Variants in CCDC60 observed in about 807,000 individuals in gnomAD.
The protein encoded by CCDC60 is coiled-coil domain containing 60.
A neutral mutation model predicts 63.5 loss-of-function variants in CCDC60; 54 were observed. That is an observed-to-expected ratio of 0.85 (90% CI 0.68 to 1.07). The LOEUF (loss-of-function observed/expected upper bound fraction) is 1.07, where lower values mean the gene tolerates loss of function less well. Ranked by LOEUF, CCDC60 falls within the 50% of genes least tolerant of loss-of-function variation. The probability of loss-of-function intolerance (pLI) is 0.00; values close to 1 mark genes in which losing one functional copy is unlikely to be tolerated. For synonymous variants in CCDC60, 206 were observed against 238.8 expected, an observed-to-expected ratio of 0.86 and a Z score of 1.27; for missense variants, 651 against 684.3, an observed-to-expected ratio of 0.95 and a Z score of 0.54.
chr12:119,352,819 G>A (rs1955670389), intron 1 of CCDC60, among the ~76,000 whole-genome samples: 1 of 152,094 alleles, frequency 6.6e-6, no homozygotes, highest in Non-Finnish European at 1.5e-5. Context: ...AGGTACCTGT[G>A]ATCCAAGCTA....
chr12:119,372,434 G>A (rs1267581364), intron 1 of CCDC60, among the ~76,000 whole-genome samples: 2 of 152,198 alleles, frequency 1.3e-5, no homozygotes, highest in Non-Finnish European at 2.9e-5. Flanking sequence ...TAGAGCTGAT[G>A]TATAGAACCC....
intron 2 of CCDC60, among the ~76,000 whole-genome samples, chr12:119,453,353 G>A (rs1950668781): frequency 6.6e-6 from 1 of 152,084 alleles, no homozygotes; most frequent in South Asian, 2.1e-4. Flanking sequence ...ATCTGAGATA[G>A]AGATTAAATC....
intron 1 of CCDC60, among the ~76,000 whole-genome samples, chr12:119,342,862 G>A (rs1335447068): frequency 6.6e-6 from 1 of 152,190 alleles, no homozygotes; most frequent in Non-Finnish European, 1.5e-5. Flanking sequence ...ACCCCCATCT[G>A]TTTCACTGTT....
At chr12:119,371,484 G>T (rs150314661) in intron 1 of CCDC60, among the ~76,000 whole-genome samples, 1 of 152,150 alleles carries the variant, frequency 6.6e-6, no homozygotes, top group Non-Finnish European at 1.5e-5. Flanking sequence ...GAATGACTCG[G>T]TCTGCTTTGT....
chr12:119,393,267 G>A (rs1413771392), intron 1 of CCDC60, among the ~76,000 whole-genome samples: 1 of 152,194 alleles, frequency 6.6e-6, no homozygotes, highest in Non-Finnish European at 1.5e-5. Flanking sequence ...GTTAAAATGA[G>A]ATTTGGGCCA....
At chr12:119,378,166 CAGAT>C (rs1174290570) in intron 1 of CCDC60, among the ~76,000 whole-genome samples, 3 of 152,208 alleles carry the variant, frequency 2.0e-5, no homozygotes, top group Non-Finnish European at 4.4e-5. Flanking sequence ...CTCTTACTAG[CAGAT>C]CGGTTCTCTA....
intron 4 of CCDC60, among the ~76,000 whole-genome samples, chr12:119,488,015 T>A (rs1382566716): frequency 6.6e-6 from 1 of 152,040 alleles, no homozygotes; most frequent in Non-Finnish European, 1.5e-5. Flanking sequence ...CTCATTTTTG[T>A]ATTTTTTGTA....
At chr12:119,401,170 G>C (rs1165819865) in intron 1 of CCDC60, among the ~76,000 whole-genome samples, 1 of 152,234 alleles carries the variant, frequency 6.6e-6, no homozygotes. Context: ...TGGTCACAGA[G>C]CTGGTTACCC....
intron 8 of CCDC60, among the ~76,000 whole-genome samples, chr12:119,517,958 G>A (rs1364058500): frequency 6.6e-6 from 1 of 152,160 alleles, no homozygotes; most frequent in African/African-American, 2.4e-5. Flanking sequence ...GAAAATAAAT[G>A]AGGCACTAGA....
At position 119,442,283 on chromosome 12, in the gene CCDC60, T is replaced by TA. The variant is rs1246001724; in HGVS notation, c.170+13526dup. On this transcript the variant is annotated intron_variant, in intron 2 of 13. Transcript: ENST00000327554. ...CTTCATTTCTTTCAACTCTTTAGTATAAAAATGTTCAAATATCTACAAAGG... is the reference window on the plus strand; with the variant it reads ...CTTCATTTCTTTCAACTCTTTAGTATAAAAAATGTTCAAATATCTACAAAGG... Among the ~76,000 whole-genome samples, 9 of 152,306 alleles carry TA rather than the reference T, an allele frequency of 5.9e-5. No homozygotes were observed. In the South Asian group the frequency reaches 8.3e-4, roughly 14 times the overall value.
chr12:119,375,001 G>A (rs988231660), intron 1 of CCDC60, among the ~76,000 whole-genome samples: 5 of 151,962 alleles, frequency 3.3e-5, no homozygotes, highest in Admixed American at 6.6e-5. Flanking sequence ...CTGTATTATC[G>A]GCAGGGTCTT....
chr12:119,540,725 G>A lies in CCDC60; in HGVS notation c.*10G>A. 1 of 1,584,962 alleles carries A rather than the reference G, an allele frequency of 6.3e-7. No homozygotes were observed. Among genetic ancestry groups the A allele is most frequent in the South Asian group, 1.1e-5 (1 of 90,432 alleles). ...CAGCGCCCTGAGGTAGGCTGGGCCT[G>A]GGTTGACCAGCTGTCTCAGTGGAGG... On this transcript the variant is annotated 3_prime_UTR_variant, in exon 14 of 14. Coordinates refer to ENST00000327554, the MANE Select transcript of CCDC60 (RefSeq NM_178499.5).
At chr12:119,351,173 A>AGAAGCTGTTGAT (rs1955652717) in intron 1 of CCDC60, among the ~76,000 whole-genome samples, 1 of 152,234 alleles carries the variant, frequency 6.6e-6, no homozygotes, top group East Asian at 1.9e-4. Flanking sequence ...AAAGCATCAC[A>AGAAGCTGTTGAT]GAAGCTGTTG....
At chr12:119,398,400 G>A (rs912749635) in intron 1 of CCDC60, among the ~76,000 whole-genome samples, 3 of 152,080 alleles carry the variant, frequency 2.0e-5, no homozygotes, top group East Asian at 1.9e-4. Context: ...ACGCAGACTC[G>A]GTTCCCACCC....
intron 2 of CCDC60, among the ~76,000 whole-genome samples, chr12:119,435,411 A>G (rs769060687): frequency 1.3e-5 from 2 of 152,208 alleles, no homozygotes; most frequent in Non-Finnish European, 2.9e-5. Flanking sequence ...GGTGAGCCTG[A>G]TAACTTCTGC....
chr12:119,423,310 C>T (rs1956846079), intron 1 of CCDC60, among the ~76,000 whole-genome samples: 1 of 152,220 alleles, frequency 6.6e-6, no homozygotes, highest in African/African-American at 2.4e-5. Context: ...CCTTGATTAA[C>T]TTAAGGGGAG....
At chr12:119,531,451 C>A (rs187928476) in intron 13 of CCDC60, among the ~76,000 whole-genome samples, 16 of 152,246 alleles carry the variant, frequency 1.1e-4, no homozygotes, top group Non-Finnish European at 1.5e-5. Flanking sequence ...TAATGGGATT[C>A]CAGGTGTCTT....
At chr12:119,495,237 T>C (rs1951693821) in intron 5 of CCDC60, among the ~76,000 whole-genome samples, 1 of 152,222 alleles carries the variant, frequency 6.6e-6, no homozygotes, top group African/African-American at 2.4e-5. Context: ...GTTGTTTCTC[T>C]GTAGGTAAAT....
chr12:119,441,456 T>C (rs1950443974), intron 2 of CCDC60, among the ~76,000 whole-genome samples: 1 of 152,106 alleles, frequency 6.6e-6, no homozygotes. Flanking sequence ...CCCAATACAT[T>C]TTCATGAAAC....
Sources: allele counts gnomAD v4.1 joint callset (sites outside exome capture counted in the v4.1 genomes callset), GRCh38; gene constraint gnomAD v4.1.1; transcripts MANE v1.5; gene names NCBI Gene and HGNC (gene_info 2026-07-23, HGNC 2026-07-21).